The following RAI14 variants were observed in gnomAD, a reference collection of about 807,000 sequenced individuals.
RAI14 encodes ankycorbin.
RAI14 carries 45 observed loss-of-function variants against 115.4 expected under a neutral mutation model. The ratio of observed to expected loss-of-function variants is 0.39; its 90% CI spans 0.31 to 0.50. The LOEUF (loss-of-function observed/expected upper bound fraction) is 0.50, where lower values mean the gene tolerates loss of function less well. RAI14 is among the 20% of genes least tolerant of loss of function. The probability of loss-of-function intolerance (pLI) is 0.85; values close to 1 mark genes in which losing one functional copy is unlikely to be tolerated. For missense variants in RAI14, 939 were observed against 1,131.2 expected (o/e 0.83, Z 2.44); for synonymous variants, 371 against 415.4 (o/e 0.89, Z 1.30).
At chr5:34,829,685 T>G (rs999976271) in intron 16 of RAI14, 47 bp from the exon 17 acceptor site, 2 of 1,522,046 alleles carry the variant, frequency 1.3e-6, no homozygotes. Context: ...TTTTGTTCTT[T>G]AAAGATCTCT....
rs1755504686 is a variant in RAI14, at chr5:34,810,903, C to T, written c.451-109C>T. 9.9e-6 allele frequency: 15 copies of T among 1,520,032 alleles called. No homozygotes were observed. In the South Asian group the frequency reaches 1.5e-4, roughly 15 times the overall value. 94.2% of individuals were successfully genotyped at this position (1,520,032 alleles called of 1,614,324 possible). ...CAGGTTGGACCAGATACTAGATCAG[C>T]AGTCAGCAGTCCAAGTCAGGAGAAA... is the stretch of plus-strand genomic sequence containing the variant. On this transcript the variant is annotated intron_variant, in intron 7 of 17. Transcript: ENST00000265109.
intron 3 of RAI14, among the ~76,000 whole-genome samples, chr5:34,792,979 A>G (rs1753103523): frequency 6.6e-6 from 1 of 152,232 alleles, no homozygotes; most frequent in African/African-American, 2.4e-5. Flanking sequence ...TTATTGATCT[A>G]AACTCTCAAT....
chr5:34,730,311 C>A (rs549924259), intron 2 of RAI14, among the ~76,000 whole-genome samples: 1 of 152,148 alleles, frequency 6.6e-6, no homozygotes, highest in Non-Finnish European at 1.5e-5. Flanking sequence ...AAATAACCTA[C>A]ATGTTAACAA....
At chr5:34,804,947 T>A in intron 5 of RAI14, among the ~76,000 whole-genome samples, 1 of 152,224 alleles carries the variant, frequency 6.6e-6, no homozygotes. Flanking sequence ...CATCTGACTC[T>A]GATTTTAAGG....
chr5:34,758,684 C>T (rs1748214958), intron 3 of RAI14, among the ~76,000 whole-genome samples: 1 of 152,178 alleles, frequency 6.6e-6, no homozygotes, highest in Non-Finnish European at 1.5e-5. Flanking sequence ...ACTGGGACTA[C>T]AGGCATGTGC....
rs147450390 is a variant in RAI14 at position 34,777,988 on chromosome 5, T to C, written c.168-17951T>C. On this transcript the variant is annotated intron_variant, in intron 3 of 17. Coordinates refer to ENST00000265109, the MANE Select transcript of RAI14 (RefSeq NM_015577.3). ...CAACAATGTCTTGTCTATTGTAAAG[T>C]ATGTAGAAGAGAGGACTTTAAATGT... Among the ~76,000 whole-genome samples, 284 of 152,242 alleles carry C rather than the reference T, an allele frequency of 1.9e-3. 1 individual carries two copies. Among genetic ancestry groups the C allele is most frequent in the African/African-American group, 6.2e-3 (257 of 41,538 alleles).
At chr5:34,775,158 T>G (rs1465840761) in intron 3 of RAI14, among the ~76,000 whole-genome samples, 1 of 152,170 alleles carries the variant, frequency 6.6e-6, no homozygotes, top group Non-Finnish European at 1.5e-5. Context: ...ACTATGAAAC[T>G]ACTATAAGAA....
intron 3 of RAI14, among the ~76,000 whole-genome samples, chr5:34,780,336 CCAAAAGCAATGGCAA>C (rs1751453102): frequency 6.6e-6 from 1 of 152,096 alleles, no homozygotes; most frequent in African/African-American, 2.4e-5. Context: ...GACTAAAACA[CCAAAAGCAATGGCAA>C]CAAAAGCCAA....
chr5:34,705,257 T>C (rs892170113), intron 2 of RAI14, among the ~76,000 whole-genome samples: 4 of 152,168 alleles, frequency 2.6e-5, no homozygotes, highest in African/African-American at 7.2e-5. Context: ...AAATGTAGCA[T>C]GGGAATTGAG....
intron 3 of RAI14, among the ~76,000 whole-genome samples, chr5:34,760,003 C>T (rs914460759): frequency 2.6e-5 from 4 of 152,136 alleles, no homozygotes; most frequent in Admixed American, 2.6e-4. Flanking sequence ...ACCTGGAGTG[C>T]TTCTTTGTTG....
At position 34,707,298 on chromosome 5, in the gene RAI14, C is replaced by G. The variant is rs543791815; in HGVS notation, c.36+20343C>G. Among the ~76,000 whole-genome samples, 101 of 152,186 alleles carry G rather than the reference C, an allele frequency of 6.6e-4. 7 individuals are homozygous for G. The highest frequency in any genetic ancestry group is 1.8e-4 in the Non-Finnish European group (12 of 68,038). On this transcript the variant is annotated intron_variant, in intron 2 of 17. Transcript: ENST00000265109. ...CCTGGCCAACATGGTAAAACCACAT[C>G]TCTACTAAAAATACAGAAATTAGCC... is the stretch of plus-strand genomic sequence containing the variant.
chr5:34,680,166 G>A (rs1010053731), intron 1 of RAI14, among the ~76,000 whole-genome samples: 20 of 152,150 alleles, frequency 1.3e-4, no homozygotes, highest in Admixed American at 1.1e-3. Context: ...GAGTCAGACT[G>A]GGGGAGGGTC....
chr5:34,819,503 G>A (rs1756611910), intron 13 of RAI14, among the ~76,000 whole-genome samples: 1 of 152,160 alleles, frequency 6.6e-6, no homozygotes. Flanking sequence ...CACACGCAAA[G>A]ACAAGAATGT....
intron 2 of RAI14, among the ~76,000 whole-genome samples, chr5:34,714,961 G>A (rs775555282): frequency 1.5e-4 from 23 of 152,184 alleles, no homozygotes; most frequent in Non-Finnish European, 2.5e-4. Flanking sequence ...GTGGGCTAGA[G>A]GAGGTCCAAA....
intron 3 of RAI14, among the ~76,000 whole-genome samples, chr5:34,769,135 G>GT (rs966338049): frequency 4.8e-4 from 72 of 151,248 alleles, no homozygotes; most frequent in East Asian, 1.4e-3. Flanking sequence ...TAGTAATCCT[G>GT]TTTTTTTTTA....
intron 13 of RAI14, among the ~76,000 whole-genome samples, chr5:34,819,244 T>G (rs1385717399): frequency 3.9e-5 from 6 of 152,202 alleles, no homozygotes; most frequent in Non-Finnish European, 5.9e-5. Flanking sequence ...CTACTAAAAA[T>G]TATGGCAGTT....
intron 2 of RAI14, chr5:34,688,096 A>C: frequency 3.4e-6 from 5 of 1,463,822 alleles, no homozygotes; most frequent in Non-Finnish European, 4.5e-6. Flanking sequence ...ATAGAGTGCA[A>C]AGAGACTTCG....
At chr5:34,656,520 C>A (rs1742269139) in intron 1 of RAI14, 45 bp downstream of exon 1, 1 of 151,870 alleles carries the variant, frequency 6.6e-6, no homozygotes. Context: ...CGCGGGGTCC[C>A]GGGCTCGTGT....
chr5:34,721,890 G>T (rs769822275), intron 2 of RAI14, among the ~76,000 whole-genome samples: 1 of 152,026 alleles, frequency 6.6e-6, no homozygotes, highest in Non-Finnish European at 1.5e-5. Context: ...TGTAGTTTTA[G>T]TAGAGCCAGG....
Sources: allele counts gnomAD v4.1 joint callset (sites outside exome capture counted in the v4.1 genomes callset), GRCh38; gene constraint gnomAD v4.1.1; transcripts MANE v1.5; gene names NCBI Gene and HGNC (gene_info 2026-07-23, HGNC 2026-07-21).